XIRP2: variants seen among roughly 807,000 people sequenced by gnomAD.
XIRP2 encodes xin actin binding repeat containing 2, also known as xin actin-binding repeat-containing protein 2.
Under a neutral mutation model 277.0 loss-of-function variants are expected in XIRP2, and 236 were observed. That is an observed-to-expected ratio of 0.85 (90% CI 0.77 to 0.95). The LOEUF is 0.95. Ranked by LOEUF, XIRP2 falls within the 40% of genes least tolerant of loss-of-function variation. The pLI is 0.00. For missense variants in XIRP2, 4,640 were observed against 4,157.5 expected (o/e 1.12, Z -3.19); for synonymous variants, 1,490 against 1,416.5 (o/e 1.05, Z -1.17).
chr2:167,071,945 G>A (rs2105251844), intron 2 of XIRP2, among the ~76,000 whole-genome samples: 1 of 152,294 alleles, frequency 6.6e-6, no homozygotes, highest in South Asian at 2.1e-4. Flanking sequence ...CAGGTGGGGA[G>A]ATAACCTTGC....
At chr2:167,075,200 TG>T (rs201437764) in intron 2 of XIRP2, among the ~76,000 whole-genome samples, 3 of 152,142 alleles carry the variant, frequency 2.0e-5, no homozygotes, top group Admixed American at 6.5e-5. Flanking sequence ...TGTTTTGTTT[TG>T]TTTTTTCAAA....
rs1329636576 is a variant in XIRP2, at chr2:167,114,927, C to A, written c.409-20982C>A. Among the ~76,000 whole-genome samples the A allele has an allele frequency of 2.0e-4, 31 of 152,158 alleles. No individual in the cohort carries two copies. The East Asian group carries it at 5.8e-3, about 28-fold the overall frequency. On this transcript the variant is annotated intron_variant, in intron 2 of 10. Coordinates refer to ENST00000409195, the MANE Select transcript of XIRP2 (RefSeq NM_152381.6). ...CATACGTGTGTGTGTGTCTTTATAG[C>A]AGCATGATTTATAGTCCTTTGGGTA...
chr2:167,016,853 C>T (rs1687840774), intron 2 of XIRP2, among the ~76,000 whole-genome samples: 1 of 151,812 alleles, frequency 6.6e-6, no homozygotes. Flanking sequence ...GACAAAGTCA[C>T]CATTAAAGTA....
intron 3 of XIRP2, among the ~76,000 whole-genome samples, chr2:167,173,441 T>G (rs539095152): frequency 1.3e-5 from 2 of 152,210 alleles, no homozygotes; most frequent in South Asian, 4.1e-4. Context: ...TTCATCCATG[T>G]TGTTGTAAAT....
At chr2:167,160,227 C>T (rs934509480) in intron 3 of XIRP2, among the ~76,000 whole-genome samples, 2 of 152,082 alleles carry the variant, frequency 1.3e-5, no homozygotes, top group South Asian at 4.1e-4. Flanking sequence ...ATGTGATTTT[C>T]TACTGGAAAA....
intron 3 of XIRP2, among the ~76,000 whole-genome samples, chr2:167,202,383 T>C (rs1030746791): frequency 6.6e-6 from 1 of 152,230 alleles, no homozygotes; most frequent in Non-Finnish European, 1.5e-5. Context: ...ATAACTGCTC[T>C]AGTACCAGAA....
chr2:167,047,158 GA>G (rs1215247556), intron 2 of XIRP2, among the ~76,000 whole-genome samples: 3 of 151,556 alleles, frequency 2.0e-5, no homozygotes, highest in Non-Finnish European at 1.5e-5. Context: ...GAAAGGAAAT[GA>G]AAAAAATCTG....
intron 2 of XIRP2, among the ~76,000 whole-genome samples, chr2:166,954,692 G>C (rs886501560): frequency 2.0e-5 from 3 of 151,936 alleles, no homozygotes; most frequent in African/African-American, 7.2e-5. Context: ...TGATAGACTG[G>C]ATAAAGAAAA....
At chr2:166,919,892 T>C (rs543096909) in intron 2 of XIRP2, among the ~76,000 whole-genome samples, 1 of 152,104 alleles carries the variant, frequency 6.6e-6, no homozygotes, top group African/African-American at 2.4e-5. Context: ...AAAGATAAAA[T>C]CAAGAGGTTG....
At chr2:166,903,382 C>T in intron 1 of XIRP2, 83 bp from the exon 2 acceptor site, 1 of 1,378,412 alleles carries the variant, frequency 7.3e-7, no homozygotes. Flanking sequence ...ACCCCAAGAG[C>T]TGGTGCTCCT....
intron 3 of XIRP2, among the ~76,000 whole-genome samples, chr2:167,153,733 T>A (rs1437768503): frequency 1.3e-5 from 2 of 151,920 alleles, no homozygotes; most frequent in African/African-American, 4.8e-5. Flanking sequence ...AAAAAGGACA[T>A]GAACTCATCA....
intron 2 of XIRP2, among the ~76,000 whole-genome samples, chr2:167,047,944 A>G (rs968579565): frequency 2.0e-5 from 3 of 151,970 alleles, no homozygotes; most frequent in Non-Finnish European, 4.4e-5. Context: ...AGATAACCAA[A>G]CCAAACTCAC....
intron 5 of XIRP2, among the ~76,000 whole-genome samples, chr2:167,224,155 TAGTTCACTC>T (rs1694520125): frequency 6.6e-6 from 1 of 152,140 alleles, no homozygotes. Flanking sequence ...ATAATGACAC[TAGTTCACTC>T]ATGAGGTGGT....
chr2:167,062,244 T>C (rs1689189963), intron 2 of XIRP2, among the ~76,000 whole-genome samples: 1 of 152,164 alleles, frequency 6.6e-6, no homozygotes, highest in Non-Finnish European at 1.5e-5. Context: ...TGGGAATACC[T>C]ACACCAGGGA....
At position 166,956,187 on chromosome 2, in the gene XIRP2, C is replaced by T. The variant is rs374913133; in HGVS notation, c.408+52297C>T. Reference sequence around the variant, plus strand: ...GTTTGTGTGTGAAAGGAATAACAAGCGTGCGTCGATCAATCACTGACAGAT... The same window carrying T: ...GTTTGTGTGTGAAAGGAATAACAAGTGTGCGTCGATCAATCACTGACAGAT... On this transcript the variant is annotated intron_variant, in intron 2 of 10. Coordinates refer to ENST00000409195, the MANE Select transcript of XIRP2 (RefSeq NM_152381.6). Among the ~76,000 whole-genome samples the T allele has an allele frequency of 8.8e-4, 133 of 151,872 alleles. 5 individuals are homozygous for T. In the South Asian group the frequency reaches 0.025, roughly 29 times the overall value.
chr2:167,072,618 A>AAT (rs1448074708), intron 2 of XIRP2, among the ~76,000 whole-genome samples: 1 of 152,134 alleles, frequency 6.6e-6, no homozygotes, highest in Non-Finnish European at 1.5e-5. Context: ...GCACTCAATA[A>AAT]ATACTTCATT....
At position 167,244,739 on chromosome 2, in the gene XIRP2, G is replaced by T. The variant is rs1229319486; in HGVS notation, c.3347G>T (p.Ser1116Ile). ...GAAAAAGTTTCGTTAATGACCAGCA[G>T]TGAAGAAATTCATAAGGGAGATGTC... ...LYEKVSLMTS[S>I]EEIHKGDVKT... The change falls in exon 9 of 11, where the codon AGT becomes ATT. Residue 1116 changes from serine to isoleucine, a missense_variant. Ser to Ile is a moderately radical substitution (Grantham distance 142, BLOSUM62 -2). Coordinates refer to ENST00000409195, the MANE Select transcript of XIRP2 (RefSeq NM_152381.6). 1 of 1,613,090 alleles carries T rather than the reference G, an allele frequency of 6.2e-7. No homozygotes were observed. The highest frequency in any genetic ancestry group is 2.2e-5 in the East Asian group (1 of 44,852).
chr2:167,038,060 G>A (rs1025115600), intron 2 of XIRP2, among the ~76,000 whole-genome samples: 1 of 152,048 alleles, frequency 6.6e-6, no homozygotes, highest in African/African-American at 2.4e-5. Flanking sequence ...TTCAATTTTC[G>A]TATAGAAGTA....
chr2:167,227,544 A>G (rs1345374582), intron 5 of XIRP2, among the ~76,000 whole-genome samples: 1 of 151,956 alleles, frequency 6.6e-6, no homozygotes, highest in Non-Finnish European at 1.5e-5. Context: ...CTACAAAAGA[A>G]AAAATGTTTT....
Sources: allele counts gnomAD v4.1 joint callset (sites outside exome capture counted in the v4.1 genomes callset), GRCh38; gene constraint gnomAD v4.1.1; transcripts MANE v1.5; gene names NCBI Gene and HGNC (gene_info 2026-07-23, HGNC 2026-07-21).